TMED3: variants seen among roughly 807,000 people sequenced by gnomAD.
The protein encoded by TMED3 is transmembrane emp24 domain-containing protein 3.
Under a neutral mutation model 15.0 loss-of-function variants are expected in TMED3, and 9 were observed. The observed-to-expected ratio is 0.60, with a 90% confidence interval of 0.36 to 1.04. The LOEUF is 1.04. Among genes scored for constraint, TMED3 ranks in the 50% least tolerant of loss-of-function variants. TMED3 has a pLI of 0.01. For missense variants in TMED3, 267 were observed against 278.9 expected, an observed-to-expected ratio of 0.96 and a Z score of 0.30; for synonymous variants, 117 against 121.4, an observed-to-expected ratio of 0.96 and a Z score of 0.24.
At chr15:79,367,591 C>A (rs1319279275) in intron 2 of TMED3, among the ~76,000 whole-genome samples, 1 of 152,142 alleles carries the variant, frequency 6.6e-6, no homozygotes, top group African/African-American at 2.4e-5. Context: ...AGAAGTAAAC[C>A]CCACCTGTTC....
intron 2 of TMED3, among the ~76,000 whole-genome samples, chr15:79,381,677 T>C (rs1254747006): frequency 1.3e-5 from 2 of 152,214 alleles, no homozygotes; most frequent in African/African-American, 4.8e-5. Context: ...GGAGCCACTC[T>C]CACCTGGCTT....
intron 2 of TMED3, among the ~76,000 whole-genome samples, chr15:79,403,148 A>G (rs1374215696): frequency 6.9e-6 from 1 of 145,718 alleles, no homozygotes; most frequent in African/African-American, 2.5e-5. Flanking sequence ...ATTTGAGCCC[A>G]GGAAACAGAG....
rs562713015 is a variant in TMED3, at chr15:79,347,410, C to T, written c.417+33405C>T. ...AATAATAAGAGCCATCTATGACAAA[C>T]CCACAGCCAACATTATACTTAATGG... On this transcript the variant is annotated intron_variant, in intron 2 of 2. Coordinates refer to the TMED3 transcript ENST00000424155. Among the ~76,000 whole-genome samples, 10 of 152,236 alleles carry T rather than the reference C, an allele frequency of 6.6e-5. No individual in the cohort carries two copies. In the East Asian group the frequency reaches 1.9e-3, roughly 29 times the overall value.
intron 2 of TMED3, among the ~76,000 whole-genome samples, chr15:79,338,289 T>C (rs900204184): frequency 2.6e-4 from 40 of 152,340 alleles, no homozygotes; most frequent in African/African-American, 9.4e-4. Context: ...TAACAAAATA[T>C]TAGCATTTGT....
At chr15:79,329,832 C>T (rs72740303) in intron 2 of TMED3, among the ~76,000 whole-genome samples, 17,132 of 152,272 alleles carry the variant, frequency 0.11, 1,603 homozygotes, top group East Asian at 0.54. Context: ...TGGTGTGACA[C>T]ATGTGGACCA....
At chr15:79,383,447 G>A (rs923942218) in intron 2 of TMED3, 1 of 178,856 alleles carries the variant, frequency 5.6e-6, no homozygotes, top group Non-Finnish European at 1.2e-5. Context: ...CATGGTTACA[G>A]TTTGTTAGAG....
intron 2 of TMED3, among the ~76,000 whole-genome samples, chr15:79,376,202 C>T (rs555967106): frequency 4.7e-5 from 7 of 147,478 alleles, no homozygotes; most frequent in East Asian, 4.1e-4. Flanking sequence ...CTCCGCCTCC[C>T]GGGTTCACGC....
intron 2 of TMED3, among the ~76,000 whole-genome samples, chr15:79,352,700 A>G (rs1035902258): frequency 2.1e-4 from 30 of 145,562 alleles, no homozygotes; most frequent in Non-Finnish European, 3.4e-4. Context: ...AACTGAATAT[A>G]TATATATATT....
chr15:79,370,389 C>T (rs1260791399), intron 2 of TMED3, among the ~76,000 whole-genome samples: 2 of 151,222 alleles, frequency 1.3e-5, no homozygotes, highest in East Asian at 3.9e-4. Flanking sequence ...CACAGGAGTG[C>T]AGACTCCTGG....
rs1284781295 is a variant in TMED3, at chr15:79,322,161, T to C, written c.601T>C (p.Leu201=). ...GGTCAGCTTCAGTCAGGTGCTACTG[T>C]TGAAAAGCTTCTTCACAGAAAAACG... ...FVVSFSQVLL[L]KSFFTEKRPI... The change falls in exon 3 of 3, where the codon TTG becomes CTG. Residue 201 remains leucine, a synonymous_variant. Coordinates refer to ENST00000299705, the MANE Select transcript of TMED3 (RefSeq NM_007364.4). The C allele has an allele frequency of 6.2e-7, 1 of 1,614,124 alleles. No individual in the cohort carries two copies. The highest frequency in any genetic ancestry group is 1.7e-5 in the Admixed American group (1 of 60,020).
At chr15:79,330,159 C>T (rs1017909208) in intron 2 of TMED3, among the ~76,000 whole-genome samples, 2 of 152,176 alleles carry the variant, frequency 1.3e-5, no homozygotes, top group Non-Finnish European at 2.9e-5. Context: ...CACTCTTAAC[C>T]ACTCTTATTC....
intron 2 of TMED3, among the ~76,000 whole-genome samples, chr15:79,403,291 T>C (rs1271804670): frequency 2.7e-5 from 4 of 145,560 alleles, no homozygotes; most frequent in Non-Finnish European, 6.0e-5. Flanking sequence ...CAAGCTACAG[T>C]CCTTGCTGCT....
chr15:79,340,300 T>C (rs2058846976), intron 2 of TMED3, among the ~76,000 whole-genome samples: 1 of 152,118 alleles, frequency 6.6e-6, no homozygotes, highest in Non-Finnish European at 1.5e-5. Flanking sequence ...CAGGGAGAAG[T>C]GTGGGTCTCT....
At chr15:79,360,851 T>A (rs1213644694) in intron 2 of TMED3, among the ~76,000 whole-genome samples, 1 of 152,198 alleles carries the variant, frequency 6.6e-6, no homozygotes, top group Non-Finnish European at 1.5e-5. Flanking sequence ...TTTATTTTTT[T>A]AATTTTTATA....
intron 2 of TMED3, among the ~76,000 whole-genome samples, chr15:79,407,178 T>G (rs79752404): frequency 4.0e-3 from 607 of 152,326 alleles, no homozygotes; most frequent in African/African-American, 0.014. Flanking sequence ...CAACTTCATT[T>G]GCTGAAGGCT....
At chr15:79,352,830 TTATA>T (rs58849794) in intron 2 of TMED3, among the ~76,000 whole-genome samples, 3 of 122,882 alleles carry the variant, frequency 2.4e-5, no homozygotes, top group Admixed American at 1.0e-4. Context: ...TTTCAAAATT[TTATA>T]TATATATATA....
chr15:79,371,063 G>A (rs1302927421), intron 2 of TMED3, among the ~76,000 whole-genome samples: 1 of 152,206 alleles, frequency 6.6e-6, no homozygotes, highest in East Asian at 1.9e-4. Context: ...GCCCATGCTT[G>A]AAACTGCCTT....
intron 2 of TMED3, among the ~76,000 whole-genome samples, chr15:79,368,328 C>A (rs1467656131): frequency 6.6e-6 from 1 of 152,126 alleles, no homozygotes; most frequent in African/African-American, 2.4e-5. Flanking sequence ...TGGTCAGAAT[C>A]CAACATACTT....
At chr15:79,324,104 C>T (rs987694612), downstream of TMED3, among the ~76,000 whole-genome samples, 4 of 152,182 alleles carry the variant, frequency 2.6e-5, no homozygotes, top group Admixed American at 6.5e-5. Flanking sequence ...CATTCTCCTG[C>T]TTCAGCCTCC....
Sources: allele counts gnomAD v4.1 joint callset (sites outside exome capture counted in the v4.1 genomes callset), GRCh38; gene constraint gnomAD v4.1.1; transcripts MANE v1.5; gene names NCBI Gene and HGNC (gene_info 2026-07-23, HGNC 2026-07-21).